RMI1: variants seen among roughly 807,000 people sequenced by gnomAD.
RMI1 encodes recQ-mediated genome instability protein 1.
RMI1 carries 36 observed loss-of-function variants against 46.7 expected under a neutral mutation model. The ratio of observed to expected loss-of-function variants is 0.77; its 90% CI spans 0.59 to 1.02. The LOEUF is 1.02. Ranked by LOEUF, RMI1 falls within the 50% of genes least tolerant of loss-of-function variation. The probability of loss-of-function intolerance (pLI) is 0.00; values close to 1 mark genes in which losing one functional copy is unlikely to be tolerated. For missense variants in RMI1, 676 were observed against 713.7 expected, an observed-to-expected ratio of 0.95 and a Z score of 0.60; for synonymous variants, 250 against 252.9, an observed-to-expected ratio of 0.99 and a Z score of 0.11.
At chr9:83,991,157 T>C (rs939152065) in intron 1 of RMI1, among the ~76,000 whole-genome samples, 3 of 152,210 alleles carry the variant, frequency 2.0e-5, no homozygotes, top group African/African-American at 7.2e-5. Flanking sequence ...ATTCAGGATA[T>C]TTCTCTTGTC....
At chr9:83,981,533 C>A (rs1054445086) in intron 1 of RMI1, among the ~76,000 whole-genome samples, 1 of 152,162 alleles carries the variant, frequency 6.6e-6, no homozygotes, top group Non-Finnish European at 1.5e-5. Flanking sequence ...TTCATGACTT[C>A]CTTTGTTAAG....
At chr9:83,997,331 G>T (rs962536032) in intron 1 of RMI1, among the ~76,000 whole-genome samples, 4 of 151,464 alleles carry the variant, frequency 2.6e-5, no homozygotes, top group Admixed American at 1.3e-4. Context: ...GGCTGGTCTC[G>T]AACTCTCGAC....
intron 1 of RMI1, among the ~76,000 whole-genome samples, chr9:83,999,163 T>C (rs1957701866): frequency 7.2e-6 from 1 of 139,494 alleles, no homozygotes; most frequent in Non-Finnish European, 1.5e-5. Flanking sequence ...TAAAATAGAA[T>C]AAAATAGAAT....
chr9:83,997,862 T>C (rs1190365203), intron 1 of RMI1, among the ~76,000 whole-genome samples: 1 of 151,584 alleles, frequency 6.6e-6, no homozygotes, highest in Non-Finnish European at 1.5e-5. Flanking sequence ...AGTGGTGCAG[T>C]CATAGCTCAT....
At chr9:83,980,680 A>G (rs1286511306), upstream of RMI1, 1 of 150,230 alleles carries the variant, frequency 6.7e-6, no homozygotes, top group South Asian at 2.1e-4. Flanking sequence ...AGATCTAACA[A>G]CTGCCTAGTT....
At position 84,002,463 on chromosome 9, in the gene RMI1, T is replaced by A; in HGVS notation, c.1477T>A (p.Tyr493Asn). The A allele has an allele frequency of 6.2e-7, 1 of 1,613,984 alleles. No individual in the cohort carries two copies. Among genetic ancestry groups the A allele is most frequent in the Non-Finnish European group, 8.5e-7 (1 of 1,179,950 alleles). The change falls in exon 3 of 3, where the codon TAT becomes AAT. Residue 493 changes from tyrosine to asparagine, a missense_variant. By Grantham distance (143) the Tyr-to-Asn change is moderately radical (BLOSUM62 -2). Coordinates refer to ENST00000445877, the MANE Select transcript of RMI1 (RefSeq NM_001358291.2). ...AMDLYSPPFV[Y>N]LSVLMASKPK... is the part of the protein sequence containing the mutation. The stretch of plus-strand genomic sequence containing the variant: ...GGATTTGTATTCTCCACCCTTTGTC[T>A]ATTTGTCTGTTCTAATGGCCAGCAA...
intron 1 of RMI1, among the ~76,000 whole-genome samples, chr9:83,993,588 T>G (rs1957605151): frequency 6.6e-6 from 1 of 152,160 alleles, no homozygotes; most frequent in African/African-American, 2.4e-5. Context: ...CACCATTTTA[T>G]AATAATATTA....
At chr9:83,998,898 T>C (rs1291456478) in intron 1 of RMI1, among the ~76,000 whole-genome samples, 3 of 152,204 alleles carry the variant, frequency 2.0e-5, no homozygotes, top group Non-Finnish European at 4.4e-5. Flanking sequence ...CCCAGGACTT[T>C]GGGAGGCTGA....
At position 84,002,343 on chromosome 9, in the gene RMI1, A is replaced by G. The variant is rs2133133706; in HGVS notation, c.1357A>G (p.Lys453Glu). 6.2e-7 allele frequency: 1 copy of G among 1,604,970 alleles called. No individual in the cohort carries two copies. The highest frequency in any genetic ancestry group is 8.5e-7 in the Non-Finnish European group (1 of 1,172,736). The change falls in exon 3 of 3, where the codon AAA becomes GAA. Residue 453 changes from lysine (K) to glutamate (E), a missense_variant. Coordinates refer to ENST00000445877, the MANE Select transcript of RMI1 (RefSeq NM_001358291.2). ...LNREVVNYVQ[K>E]RNSQISNEND... ...TAGAGAGGTGGTCAACTATGTACAGAAAAGGAATTCACAAATTTCTAATGA... is the reference window on the plus strand; with the variant it reads ...TAGAGAGGTGGTCAACTATGTACAGGAAAGGAATTCACAAATTTCTAATGA...
At position 84,001,842 on chromosome 9, in the gene RMI1, G is replaced by T; in HGVS notation, c.856G>T (p.Glu286Ter). Residue 286 changes from glutamate (E) to a stop codon, truncating the protein, a stop_gained, in exon 3 of 3, where the codon GAG becomes TAG. Coordinates refer to ENST00000445877, the MANE Select transcript of RMI1 (RefSeq NM_001358291.2). LOFTEE classifies it high-confidence loss of function. ...NTIPTRQSSF[E>*]PEFVISPRPK... ...CATTCCCACAAGACAGTCAAGTTTTGAGCCAGAATTTGTTATTTCTCCAAG... is the reference window on the plus strand; with the variant it reads ...CATTCCCACAAGACAGTCAAGTTTTTAGCCAGAATTTGTTATTTCTCCAAG... 6.2e-7 allele frequency: 1 copy of T among 1,614,028 alleles called. No individual in the cohort carries two copies. The highest frequency in any genetic ancestry group is 8.5e-7 in the Non-Finnish European group (1 of 1,179,958).
chr9:83,988,604 C>T (rs1436057305), intron 1 of RMI1, among the ~76,000 whole-genome samples: 1 of 152,196 alleles, frequency 6.6e-6, no homozygotes, highest in Non-Finnish European at 1.5e-5. Context: ...GCACCTTGCC[C>T]AACTGTTTTC....
chr9:83,980,822 G>A lies in RMI1; in HGVS notation c.-195G>A, dbSNP rs1957362622. The A allele has an allele frequency of 2.6e-5, 4 of 152,366 alleles. No individual in the cohort carries two copies. Among genetic ancestry groups the A allele is most frequent in the Admixed American group, 2.6e-4 (4 of 15,288 alleles). 9.4% of individuals were successfully genotyped at this position (152,366 alleles called of 1,614,324 possible). The stretch of plus-strand genomic sequence containing the variant: ...AAAAAAGGAACTGGGAGCGCGCCGC[G>A]GCGGTTCCTGTCCTTACAGTTGCGC... On this transcript the variant is annotated 5_prime_UTR_variant, in exon 1 of 3. Coordinates refer to ENST00000445877, the MANE Select transcript of RMI1 (RefSeq NM_001358291.2).
Position 84,001,444 on chromosome 9 carries a change from C to T in RMI1, c.458C>T (p.Pro153Leu). ...CAAATACAGGGAATGGAATATCAGC[C>T]TATTCCAATTCTTCATAGTGATCTT... is the stretch of plus-strand genomic sequence containing the variant. The part of the protein sequence containing the change: ...IVQIQGMEYQ[P>L]IPILHSDLPP... The change falls in exon 3 of 3, where the codon CCT becomes CTT. Residue 153 changes from proline to leucine, a missense_variant. Transcript: ENST00000445877. 2.5e-6 allele frequency: 4 copies of T among 1,613,664 alleles called. No individual in the cohort carries two copies. Among genetic ancestry groups the T allele is most frequent in the Non-Finnish European group, 3.4e-6 (4 of 1,179,658 alleles).
chr9:83,999,119 C>T (rs565333226), intron 1 of RMI1, among the ~76,000 whole-genome samples: 5 of 150,204 alleles, frequency 3.3e-5, no homozygotes, highest in African/African-American at 9.8e-5. Flanking sequence ...CCACCCTGGG[C>T]GACAGAGCAA....
intron 1 of RMI1, among the ~76,000 whole-genome samples, chr9:83,990,239 G>C (rs564358131): frequency 1.3e-5 from 2 of 152,172 alleles, no homozygotes; most frequent in Non-Finnish European, 2.9e-5. Flanking sequence ...GTTAGAGGCC[G>C]GGCGCAGTGG....
intron 1 of RMI1, among the ~76,000 whole-genome samples, chr9:83,982,326 A>G (rs1051414857): frequency 6.6e-6 from 1 of 152,134 alleles, no homozygotes; most frequent in Non-Finnish European, 1.5e-5. Context: ...CATTTTCTTG[A>G]TAAGGAATGA....
At chr9:83,991,230 CAG>C (rs1957569280) in intron 1 of RMI1, among the ~76,000 whole-genome samples, 1 of 151,748 alleles carries the variant, frequency 6.6e-6, no homozygotes, top group Admixed American at 6.6e-5. Context: ...ATATTCCTAA[CAG>C]TGTCTTTCAT....
At chr9:83,998,387 T>C (rs539834574) in intron 1 of RMI1, among the ~76,000 whole-genome samples, 1 of 152,376 alleles carries the variant, frequency 6.6e-6, no homozygotes, top group African/African-American at 2.4e-5. Context: ...TACCCACTGT[T>C]TATAGGTTCC....
chr9:84,000,087 T>C (rs893186760), intron 2 of RMI1, among the ~76,000 whole-genome samples: 9 of 152,230 alleles, frequency 5.9e-5, no homozygotes, highest in African/African-American at 2.2e-4. Flanking sequence ...AAGTACTAAA[T>C]GGACAGACAC....
Sources: allele counts gnomAD v4.1 joint callset (sites outside exome capture counted in the v4.1 genomes callset), GRCh38; gene constraint gnomAD v4.1.1; transcripts MANE v1.5; gene names NCBI Gene and HGNC (gene_info 2026-07-23, HGNC 2026-07-21).